SATL1: variants seen among roughly 807,000 people sequenced by gnomAD.
The protein encoded by SATL1 is spermidine/spermine N(1)-acetyltransferase-like protein 1.
SATL1 carries 47 observed loss-of-function variants against 51.8 expected under a neutral mutation model. The ratio of observed to expected loss-of-function variants is 0.91; its 90% CI spans 0.72 to 1.16. The LOEUF is 1.16. Ranked by LOEUF, SATL1 falls within the 50% of genes most tolerant of loss-of-function variation. The pLI is 0.00. For missense variants in SATL1, 520 were observed against 526.4 expected (o/e 0.99, Z 0.12); for synonymous variants, 176 against 182.4 (o/e 0.97, Z 0.28).
chrX:85,166,619 A>G (rs1415308398), intron 2 of SATL1, among the ~76,000 whole-genome samples: 1 of 111,297 alleles, frequency 9.0e-6, no homozygotes, highest in African/African-American at 3.3e-5. Context: ...TAAAAAATCA[A>G]AAAATAATAA....
intron 2 of SATL1, among the ~76,000 whole-genome samples, chrX:85,139,895 G>A (rs1173968492): frequency 1.8e-5 from 2 of 111,374 alleles, no homozygotes; most frequent in Non-Finnish European, 3.8e-5. Flanking sequence ...TAAATGCACA[G>A]TTAGATAAAT....
chrX:85,103,742 T>G (rs1031688623), intron 4 of SATL1, 122 bp downstream of exon 4: 1 of 430,970 alleles, frequency 2.3e-6, no homozygotes, highest in Admixed American at 3.6e-5. Flanking sequence ...GCTATCAAAT[T>G]TATGTCCTGC....
At chrX:85,163,307 TG>T (rs1395160759) in intron 2 of SATL1, among the ~76,000 whole-genome samples, 1 of 110,783 alleles carries the variant, frequency 9.0e-6, no homozygotes, top group African/African-American at 3.3e-5. Context: ...CTGCTGGGTT[TG>T]GGTGTAATTT....
At chrX:85,225,811 G>A (rs1008048968) in intron 1 of SATL1, among the ~76,000 whole-genome samples, 1 of 111,423 alleles carries the variant, frequency 9.0e-6, no homozygotes, top group Non-Finnish European at 1.9e-5. Context: ...ATGATACACA[G>A]GAATCAAAAA....
chrX:85,106,582 T>C (rs778918614), intron 3 of SATL1, among the ~76,000 whole-genome samples: 1 of 112,351 alleles, frequency 8.9e-6, no homozygotes, highest in Non-Finnish European at 1.9e-5. Context: ...TACAGCTTTA[T>C]ATGGAATTCT....
intron 4 of SATL1, among the ~76,000 whole-genome samples, chrX:85,102,668 T>C (rs886860757): frequency 9.0e-6 from 1 of 111,597 alleles, no homozygotes; most frequent in Admixed American, 9.5e-5. Context: ...TTTATGATTG[T>C]TACATATTAT....
At chrX:85,232,752 T>C (rs1286329056) in intron 1 of SATL1, among the ~76,000 whole-genome samples, 5 of 111,733 alleles carry the variant, frequency 4.5e-5, no homozygotes, top group African/African-American at 1.6e-4. Flanking sequence ...GACTTGTGGC[T>C]TGGGTCCCAG....
intron 2 of SATL1, among the ~76,000 whole-genome samples, chrX:85,161,841 C>A (rs944174738): frequency 9.0e-6 from 1 of 111,185 alleles, no homozygotes; most frequent in Non-Finnish European, 1.9e-5. Context: ...CCTCTCCATC[C>A]AAAACTAACA....
chrX:85,242,842 A>C lies in SATL1; in HGVS notation c.-435+746T>G, dbSNP rs769061093. Among the ~76,000 whole-genome samples, 5 of 112,373 alleles carry C rather than the reference A, an allele frequency of 4.4e-5. No individual in the cohort carries two copies. The East Asian group carries it at 1.4e-3, about 31-fold the overall frequency. ...TTCACCCTTTTCAAGCTTGGAAATTATATCTCCTCATTCTGCTGAACGTGT... is the reference window on the plus strand; with the variant it reads ...TTCACCCTTTTCAAGCTTGGAAATTCTATCTCCTCATTCTGCTGAACGTGT... On this transcript the variant is annotated intron_variant, in intron 1 of 7. Transcript: ENST00000644105.
intron 4 of SATL1, among the ~76,000 whole-genome samples, chrX:85,100,939 T>C (rs1924876677): frequency 8.9e-6 from 1 of 111,761 alleles, no homozygotes; most frequent in African/African-American, 3.3e-5. Context: ...TCTATGACCA[T>C]TCATGGGGAA....
chrX:85,164,592 C>T (rs2147730380), intron 2 of SATL1, among the ~76,000 whole-genome samples: 1 of 111,559 alleles, frequency 9.0e-6, no homozygotes, highest in South Asian at 3.8e-4. Flanking sequence ...TGTGGGGTTT[C>T]TGCTGAGAAA....
intron 1 of SATL1, among the ~76,000 whole-genome samples, chrX:85,230,226 T>C (rs932899951): frequency 9.0e-6 from 1 of 111,587 alleles, no homozygotes; most frequent in Admixed American, 9.5e-5. Flanking sequence ...ATCAGACATA[T>C]AGACCAATGG....
chrX:85,133,926 A>G (rs925718367), intron 2 of SATL1, among the ~76,000 whole-genome samples: 3 of 112,301 alleles, frequency 2.7e-5, no homozygotes, highest in African/African-American at 9.7e-5. Flanking sequence ...TGCTATATTC[A>G]CATTGTTTTA....
chrX:85,171,834 C>T (rs1402498075), intron 2 of SATL1, among the ~76,000 whole-genome samples: 1 of 111,528 alleles, frequency 9.0e-6, no homozygotes, highest in Non-Finnish European at 1.9e-5. Flanking sequence ...TGAACAAATC[C>T]TCTCTCATGT....
rs1925180717 is a variant in SATL1, at chrX:85,108,824, T to C, written c.145A>G (p.Met49Val). ...ASLYEMNQVDMKQPSMSQAGM... is the reference protein window; with the variant it reads ...ASLYEMNQVDVKQPSMSQAGM... ...GCTTGGCTCATGCTTGGTTGTTTCA[T>C]GTCCACTTGGTTCATTTCATATAGG... Residue 49 changes from methionine (M) to valine (V), a missense_variant, in exon 3 of 8, where the codon ATG becomes GTG. This residue lies in a region of SATL1 where 10 missense variants were observed against 28.3 expected (regional missense o/e 0.35). Transcript: ENST00000644105. 2.5e-6 allele frequency: 3 copies of C among 1,212,034 alleles called. No individual in the cohort carries two copies. The highest frequency in any genetic ancestry group is 2.2e-6 in the Non-Finnish European group (2 of 895,593).
intron 2 of SATL1, among the ~76,000 whole-genome samples, chrX:85,172,408 T>A (rs1227848354): frequency 9.0e-6 from 1 of 111,444 alleles, no homozygotes; most frequent in African/African-American, 3.2e-5. Flanking sequence ...TGATTATACA[T>A]GAAATATTCA....
intron 2 of SATL1, among the ~76,000 whole-genome samples, chrX:85,199,147 C>T (rs111756369): frequency 0.014 from 1,591 of 110,498 alleles, 13 homozygotes; most frequent in Non-Finnish European, 0.025. Context: ...TTTTTGTACC[C>T]ATTAACCATC....
At chrX:85,211,890 C>G (rs1227743841) in intron 2 of SATL1, 1 of 111,787 alleles carries the variant, frequency 8.9e-6, no homozygotes, top group East Asian at 2.8e-4. Flanking sequence ...AGTCCTGGAG[C>G]TATCTTGATA....
chrX:85,108,927 C>T lies in SATL1; in HGVS notation c.42G>A (p.Ser14=), dbSNP rs1925185511. The change falls in exon 3 of 8, where the codon TCG becomes TCA. Residue 14 remains serine, a synonymous_variant. Coordinates refer to ENST00000644105, the MANE Select transcript of SATL1 (RefSeq NM_001367857.2). Reference sequence around the variant, plus strand: ...TTGGCTGGTTTATGCCTGCTTGGTTCGAGTCTGATAAACTTGATTGGTTCG... The same window carrying T: ...TTGGCTGGTTTATGCCTGCTTGGTTTGAGTCTGATAAACTTGATTGGTTCG... ...SGTNQSSLSD[S]NQAGINQPST... The T allele has an allele frequency of 5.0e-6, 6 of 1,208,592 alleles. No homozygotes were observed. The highest frequency in any genetic ancestry group is 3.0e-5 in the East Asian group (1 of 33,662).
Sources: gnomAD v4.1 joint callset for allele counts (sites outside exome capture counted in the v4.1 genomes callset) on GRCh38, gnomAD v4.1.1 for gene constraint, gnomAD v4.1.1 regional missense constraint, MANE v1.5 for transcripts, NCBI Gene and HGNC (gene_info 2026-07-23, HGNC 2026-07-21) for gene names.